Variants in UGGT2 observed in about 807,000 individuals in gnomAD.
The protein encoded by UGGT2 is UDP-glucose:glycoprotein glucosyltransferase 2.
In UGGT2, 180 loss-of-function variants were observed where a neutral mutation model predicts 192.1. The ratio of observed to expected loss-of-function variants is 0.94; its 90% CI spans 0.83 to 1.06. UGGT2 has a LOEUF of 1.06. Among genes scored for constraint, UGGT2 ranks in the 50% least tolerant of loss-of-function variants. UGGT2 has a pLI of 0.00. For synonymous variants in UGGT2, 580 were observed against 591.0 expected (o/e 0.98, Z 0.27); for missense variants, 1,849 against 1,795.7 (o/e 1.03, Z -0.54).
intron 6 of UGGT2, 120 bp from the exon 7 acceptor site, chr13:95,996,255 A>T: frequency 1.2e-6 from 1 of 804,802 alleles, no homozygotes; most frequent in South Asian, 1.6e-5. Context: ...TAATCCCAGC[A>T]CTTTGGGAGG....
chr13:95,931,865 C>G (rs2049290174), intron 17 of UGGT2, among the ~76,000 whole-genome samples: 1 of 152,178 alleles, frequency 6.6e-6, no homozygotes, highest in African/African-American at 2.4e-5. Flanking sequence ...CGGCCTCGGA[C>G]AGCCCAGAGA....
chr13:95,848,869 C>A (rs1888739204), intron 36 of UGGT2, among the ~76,000 whole-genome samples: 1 of 152,168 alleles, frequency 6.6e-6, no homozygotes, highest in Admixed American at 6.5e-5. Flanking sequence ...GGGAAGAATT[C>A]ATCAATTTAG....
chr13:95,917,689 A>G (rs1167234652), intron 20 of UGGT2, among the ~76,000 whole-genome samples: 1 of 152,224 alleles, frequency 6.6e-6, no homozygotes, highest in Admixed American at 6.5e-5. Context: ...AAAGACACAC[A>G]TAGGCTCAAA....
At chr13:95,928,065 T>C (rs1406567182) in intron 17 of UGGT2, among the ~76,000 whole-genome samples, 1 of 152,246 alleles carries the variant, frequency 6.6e-6, no homozygotes, top group Non-Finnish European at 1.5e-5. Flanking sequence ...GCCCACTTCT[T>C]TCTACACAGA....
At chr13:95,923,011 G>A (rs528781332) in intron 20 of UGGT2, among the ~76,000 whole-genome samples, 8 of 152,076 alleles carry the variant, frequency 5.3e-5, no homozygotes, top group Non-Finnish European at 7.4e-5. Context: ...AAAAATTATC[G>A]GGAGTCTAAA....
rs866840950 is a variant in UGGT2, at chr13:95,828,462, G to A, written c.4528+4465C>T. On this transcript the variant is annotated intron_variant, in intron 38 of 38. Transcript: ENST00000376747. ...GAAAGGAGAGAAGAATCAAATAGAT[G>A]CAATAAAAAATGATAAAGGGGATAT... Among the ~76,000 whole-genome samples, 7 of 152,084 alleles carry A rather than the reference G, an allele frequency of 4.6e-5. No individual in the cohort carries two copies. The East Asian group carries it at 1.2e-3, about 25-fold the overall frequency.
intron 38 of UGGT2, among the ~76,000 whole-genome samples, chr13:95,810,097 C>A (rs930541700): frequency 6.6e-6 from 1 of 152,110 alleles, no homozygotes; most frequent in Non-Finnish European, 1.5e-5. Context: ...CCACATGTGA[C>A]GACCTCAATC....
chr13:96,023,737 G>A lies in UGGT2; in HGVS notation c.264C>T (p.Asn88=), dbSNP rs143151063. ...ACTGTCCAGCTTTCTTCAGGATTAA[G>A]TTGTAATAAGAATAATCTGATTCTA... ...KQTESDYSYY[N]LILKKAGQFL... The change falls in exon 3 of 39, where the codon AAC becomes AAT. Residue 88 remains asparagine, a synonymous_variant. Transcript: ENST00000376747. 191 of 1,602,606 alleles carry A rather than the reference G, an allele frequency of 1.2e-4. No homozygotes were observed. In the African/African-American group the frequency reaches 2.3e-3, roughly 19 times the overall value.
chr13:95,853,555 T>C lies in UGGT2; in HGVS notation c.4272A>G (p.Ser1424=). 3 of 1,613,248 alleles carry C rather than the reference T, an allele frequency of 1.9e-6. No individual in the cohort carries two copies. Among genetic ancestry groups the C allele is most frequent in the Non-Finnish European group, 2.5e-6 (3 of 1,179,584 alleles). ...ACATTTTACTTACCTGATCTAGGTTTGAAAGACTGTTTGGATCTTGACTGA... is the reference window on the plus strand; with the variant it reads ...ACATTTTACTTACCTGATCTAGGTTCGAAAGACTGTTTGGATCTTGACTGA... ...QALSQDPNSL[S]NLDQDLPNNM... is the part of the protein sequence containing the mutation. The change falls in exon 36 of 39, where the codon TCA becomes TCG. Residue 1424 remains serine, a synonymous_variant. Coordinates refer to ENST00000376747, the MANE Select transcript of UGGT2 (RefSeq NM_020121.4).
chr13:95,933,109 G>T (rs1334556014), intron 17 of UGGT2, among the ~76,000 whole-genome samples: 1 of 152,160 alleles, frequency 6.6e-6, no homozygotes, highest in Non-Finnish European at 1.5e-5. Context: ...AGTTAGGGAG[G>T]CATTAATCAC....
rs547248852 is a variant in UGGT2, at chr13:95,970,518, T to A, written c.1185-256A>T. Among the ~76,000 whole-genome samples the A allele has an allele frequency of 7.5e-4, 114 of 152,150 alleles. 1 individual carries two copies. In the South Asian group the frequency reaches 0.023, roughly 31 times the overall value. ...AAAACAACAAAGACTATTGTATTCT[T>A]TATCAAAGTAGTGAGGATATGATCA... On this transcript the variant is annotated intron_variant, in intron 11 of 38. Transcript: ENST00000376747.
Position 95,854,465 on chromosome 13 carries a change from T to C in UGGT2, c.4019A>G (p.His1340Arg), listed in dbSNP as rs773641247. The change falls in exon 35 of 39, where the codon CAT becomes CGT. Residue 1340 changes from histidine to arginine, a missense_variant. By Grantham distance (29) the His-to-Arg change is conservative. Transcript: ENST00000376747. ...IFVDADQIVR[H>R]DLKELRDFDL... ...GAAATCTCGAAGTTCTTTTAGATCA[T>C]GTCTCACAATCTAAATAATTAAAAT... 6 of 1,606,770 alleles carry C rather than the reference T, an allele frequency of 3.7e-6. No individual in the cohort carries two copies. Among genetic ancestry groups the C allele is most frequent in the South Asian group, 3.4e-5 (3 of 89,028 alleles).
In UGGT2 at chr13:95,975,075, TG is replaced by T. The variant is rs538140453; in HGVS notation, c.1093-2405del. ...CATCCTGGATGATAGAGCGATACTC[TG>T]TCTCAAAAAAATAAATATGAAAAAT... On this transcript the variant is annotated intron_variant, in intron 10 of 38. Transcript: ENST00000376747. 9.2e-5 allele frequency among the ~76,000 whole-genome samples: 14 copies of T among 152,222 alleles called. No individual in the cohort carries two copies. In the East Asian group the frequency reaches 2.3e-3, roughly 25 times the overall value.
intron 38 of UGGT2, among the ~76,000 whole-genome samples, chr13:95,810,115 C>T (rs2139741040): frequency 1.3e-5 from 2 of 152,298 alleles, no homozygotes; most frequent in African/African-American, 4.8e-5. Context: ...ATCTGTTGTA[C>T]ATATCAAGCA....
intron 38 of UGGT2, among the ~76,000 whole-genome samples, chr13:95,817,062 A>G (rs1884973919): frequency 6.6e-6 from 1 of 152,154 alleles, no homozygotes; most frequent in African/African-American, 2.4e-5. Flanking sequence ...CGGGAGGTGG[A>G]GGTTGCAGTG....
chr13:96,027,102 T>C (rs1389263617), intron 2 of UGGT2, among the ~76,000 whole-genome samples: 3 of 152,156 alleles, frequency 2.0e-5, no homozygotes, highest in Admixed American at 6.5e-5. Context: ...AGAAAATAAA[T>C]GTTATTTTAA....
At chr13:95,833,302 AGTCT>A (rs1049054512) in intron 37 of UGGT2, among the ~76,000 whole-genome samples, 5 of 152,272 alleles carry the variant, frequency 3.3e-5, no homozygotes, top group Non-Finnish European at 5.9e-5. Context: ...ATGACTCATA[AGTCT>A]GTCAAAAAAA....
In UGGT2 at chr13:95,853,615, T is replaced by A; in HGVS notation, c.4212A>T (p.Gly1404=). ...ACTGGCTCCTGAGCCTGTCACCTGC[T>A]CCAATTCTCCTGAACTTCTTGAGAT... is the stretch of plus-strand genomic sequence containing the variant. ...VVDLKKFRRI[G]AGDRLRSQYQ... is the part of the protein sequence containing the mutation. The change falls in exon 36 of 39, where the codon GGA becomes GGT. Residue 1404 remains glycine (G), a synonymous_variant. Transcript: ENST00000376747. 6.3e-7 allele frequency: 1 copy of A among 1,592,234 alleles called. No homozygotes were observed. The highest frequency in any genetic ancestry group is 1.4e-5 in the African/African-American group (1 of 73,572).
intron 9 of UGGT2, among the ~76,000 whole-genome samples, chr13:95,984,258 G>C (rs2051221153): frequency 6.6e-6 from 1 of 152,162 alleles, no homozygotes; most frequent in Non-Finnish European, 1.5e-5. Flanking sequence ...GAACCTACCA[G>C]AGTAGAAATG....
Sources: gnomAD v4.1 joint callset for allele counts (sites outside exome capture counted in the v4.1 genomes callset) on GRCh38, gnomAD v4.1.1 for gene constraint, MANE v1.5 for transcripts, NCBI Gene and HGNC (gene_info 2026-07-23, HGNC 2026-07-21) for gene names.